The following ARHGAP8 variants were observed in gnomAD, a reference collection of about 807,000 sequenced individuals.
The protein encoded by ARHGAP8 is Rho GTPase activating protein 8, also known as rho GTPase-activating protein 8.
In ARHGAP8, 62 loss-of-function variants were observed where a neutral mutation model predicts 46.1. The ratio of observed to expected loss-of-function variants is 1.34; its 90% CI spans 1.10 to 1.66. The LOEUF (loss-of-function observed/expected upper bound fraction) is 1.66, where lower values mean the gene tolerates loss of function less well. Among genes scored for constraint, ARHGAP8 ranks in the 40% most tolerant of loss-of-function variants. ARHGAP8 has a pLI of 0.00. For missense variants in ARHGAP8, 923 were observed against 568.4 expected (o/e 1.62, Z -6.34); for synonymous variants, 375 against 243.1 (o/e 1.54, Z -5.05).
At chr22:44,787,374 TTCGCTCTG>T (rs1927334976) in intron 2 of ARHGAP8, among the ~76,000 whole-genome samples, 2 of 151,054 alleles carry the variant, frequency 1.3e-5, no homozygotes, top group South Asian at 4.2e-4. Context: ...GAGACAGGGT[TTCGCTCTG>T]TCGCCCAGGC....
intron 1 of ARHGAP8, among the ~76,000 whole-genome samples, chr22:44,770,033 C>A (rs377331039): frequency 6.6e-6 from 1 of 152,104 alleles, no homozygotes; most frequent in South Asian, 2.1e-4. Context: ...ATCACGAGGT[C>A]AGGAGTTTGA....
chr22:44,861,779 C>G (rs2070498804), intron 11 of ARHGAP8, among the ~76,000 whole-genome samples: 1 of 152,174 alleles, frequency 6.6e-6, no homozygotes, highest in Admixed American at 6.5e-5. Context: ...TAATGACTCC[C>G]CCGTGCTGGG....
At chr22:44,858,355 G>C (rs1286268037) in intron 10 of ARHGAP8, among the ~76,000 whole-genome samples, 1 of 142,236 alleles carries the variant, frequency 7.0e-6, no homozygotes, top group Non-Finnish European at 1.5e-5. Flanking sequence ...GTGAATACTT[G>C]TTGGTTGGTG....
intron 11 of ARHGAP8, among the ~76,000 whole-genome samples, chr22:44,861,099 G>A (rs1308101475): frequency 2.6e-5 from 4 of 152,112 alleles, no homozygotes; most frequent in Non-Finnish European, 4.4e-5. Context: ...AGCCTCCCAC[G>A]TAGCTGGGAT....
chr22:44,825,372 G>A, intron 6 of ARHGAP8, 111 bp from the exon 7 acceptor site: 2 of 1,143,832 alleles, frequency 1.7e-6, no homozygotes, highest in Middle Eastern at 3.0e-4. Context: ...TGCGCCCAGA[G>A]GGATGAGATG....
chr22:44,767,657 C>A (rs1258200452), intron 1 of ARHGAP8, among the ~76,000 whole-genome samples: 2 of 151,850 alleles, frequency 1.3e-5, no homozygotes. Context: ...CACCTCCCTC[C>A]TTTTAAAAAC....
rs548432943 is a variant in ARHGAP8 at position 44,862,642 on chromosome 22, G to A, written c.*47G>A. ...TTCGAGCTACCTCCCACACCTGTCT[G>A]TGCACTTGTATGTTTTGTAAACTTG... On this transcript the variant is annotated 3_prime_UTR_variant, in exon 12 of 12. Transcript: ENST00000356099. 54 of 1,510,364 alleles carry A rather than the reference G, an allele frequency of 3.6e-5. No homozygotes were observed. The highest frequency in any genetic ancestry group is 2.4e-4 in the South Asian group (18 of 75,666). The allele number at this position is 1,510,364 out of a possible 1,614,324, so 93.6% of individuals were successfully genotyped here.
At chr22:44,807,182 A>AGAACCT (rs1327627087) in intron 3 of ARHGAP8, among the ~76,000 whole-genome samples, 4 of 152,146 alleles carry the variant, frequency 2.6e-5, no homozygotes, top group Admixed American at 2.6e-4. Context: ...GCTCCAGGTG[A>AGAACCT]GAACCTGGAC....
chr22:44,788,097 GTTATTA>G (rs901492875), intron 2 of ARHGAP8, among the ~76,000 whole-genome samples: 35 of 49,520 alleles, frequency 7.1e-4, no homozygotes, highest in African/African-American at 1.5e-3. Flanking sequence ...TTTATTATAT[GTTATTA>G]TTATTATTAT....
intron 1 of ARHGAP8, among the ~76,000 whole-genome samples, chr22:44,776,699 G>A (rs970902579): frequency 2.0e-5 from 3 of 152,188 alleles, no homozygotes; most frequent in Non-Finnish European, 2.9e-5. Context: ...CCAGCACTGG[G>A]CACTCCGGGA....
At chr22:44,761,497 A>G (rs951543809) in intron 1 of ARHGAP8, among the ~76,000 whole-genome samples, 4 of 152,254 alleles carry the variant, frequency 2.6e-5, no homozygotes, top group African/African-American at 9.6e-5. Context: ...AGCATACAGA[A>G]GGATATGCAT....
intron 8 of ARHGAP8, 116 bp downstream of exon 8, chr22:44,845,458 G>A: frequency 7.1e-7 from 1 of 1,410,370 alleles, no homozygotes; most frequent in Non-Finnish European, 9.7e-7. Context: ...AGGAAGGGAG[G>A]GGCTCAAGCA....
chr22:44,855,320 C>T (rs200363890), intron 10 of ARHGAP8, among the ~76,000 whole-genome samples: 1 of 152,050 alleles, frequency 6.6e-6, no homozygotes, highest in African/African-American at 2.4e-5. Flanking sequence ...CACTACCACA[C>T]CCAGCTAATT....
chr22:44,754,647 G>A (rs541302012), intron 1 of ARHGAP8, among the ~76,000 whole-genome samples: 1 of 152,194 alleles, frequency 6.6e-6, no homozygotes, highest in Non-Finnish European at 1.5e-5. Flanking sequence ...TTACAGGCAT[G>A]AGCCACCACA....
chr22:44,827,764 T>A (rs559868117), intron 7 of ARHGAP8, among the ~76,000 whole-genome samples: 1 of 152,154 alleles, frequency 6.6e-6, no homozygotes, highest in East Asian at 1.9e-4. Flanking sequence ...GTCTAAATCT[T>A]GTTCCCAGAG....
intron 2 of ARHGAP8, among the ~76,000 whole-genome samples, chr22:44,800,462 G>A (rs1465138574): frequency 1.3e-5 from 2 of 152,204 alleles, no homozygotes; most frequent in South Asian, 2.1e-4. Context: ...TCTGAGGACA[G>A]AGATAAGCAG....
intron 1 of ARHGAP8, among the ~76,000 whole-genome samples, chr22:44,769,679 TTCTC>T (rs770998978): frequency 6.6e-6 from 1 of 152,200 alleles, no homozygotes; most frequent in Non-Finnish European, 1.5e-5. Flanking sequence ...ACTTCTTTTG[TTCTC>T]TCTCTCAGTA....
At chr22:44,857,840 C>A (rs535011275) in intron 10 of ARHGAP8, among the ~76,000 whole-genome samples, 2 of 152,258 alleles carry the variant, frequency 1.3e-5, no homozygotes, top group African/African-American at 4.8e-5. Flanking sequence ...GGTTGAAATG[C>A]TTGACCTCTT....
intron 11 of ARHGAP8, among the ~76,000 whole-genome samples, chr22:44,861,569 C>G (rs2070486933): frequency 6.6e-6 from 1 of 152,204 alleles, no homozygotes; most frequent in African/African-American, 2.4e-5. Flanking sequence ...CTCTGCTCTG[C>G]CCTGGTACTC....
Sources: allele counts gnomAD v4.1 joint callset (sites outside exome capture counted in the v4.1 genomes callset), GRCh38; gene constraint gnomAD v4.1.1; transcripts MANE v1.5; gene names NCBI Gene and HGNC (gene_info 2026-07-23, HGNC 2026-07-21).